CPE: variants seen among roughly 807,000 people sequenced by gnomAD.
CPE encodes carbocypeptidase E.
In CPE, 17 loss-of-function variants were observed where a neutral mutation model predicts 53.5. That is an observed-to-expected ratio of 0.32 (90% CI 0.22 to 0.48). The LOEUF (loss-of-function observed/expected upper bound fraction) is 0.48, where lower values mean the gene tolerates loss of function less well. Ranked by LOEUF, CPE falls within the 20% of genes least tolerant of loss-of-function variation. The probability of loss-of-function intolerance (pLI) is 0.99; values close to 1 mark genes in which losing one functional copy is unlikely to be tolerated. For synonymous variants in CPE, 226 were observed against 228.8 expected, an observed-to-expected ratio of 0.99 and a Z score of 0.11; for missense variants, 524 against 614.7, an observed-to-expected ratio of 0.85 and a Z score of 1.56.
chr4:165,399,791 G>T (rs1046735226), intron 1 of CPE, among the ~76,000 whole-genome samples: 1 of 152,178 alleles, frequency 6.6e-6, no homozygotes, highest in Admixed American at 6.5e-5. Flanking sequence ...GTTTGAGATT[G>T]AAGAATGGAG....
At position 165,495,553 on chromosome 4, in the gene CPE, C is replaced by A; in HGVS notation, c.1214-6C>A. The A allele has an allele frequency of 6.3e-6, 10 of 1,586,814 alleles. No homozygotes were observed. The highest frequency in any genetic ancestry group is 8.6e-6 in the Non-Finnish European group (10 of 1,158,116). On this transcript the variant is annotated splice_polypyrimidine_tract_variant and splice_region_variant and intron_variant, in intron 7 of 8. Transcript: ENST00000402744. ...CTTTGTGATTTGATATTCTGCCTTCCTACAGCAAAGGATGGTGATTACTGG... is the reference window on the plus strand; with the variant it reads ...CTTTGTGATTTGATATTCTGCCTTCATACAGCAAAGGATGGTGATTACTGG...
chr4:165,492,059 A>G (rs907389121), intron 6 of CPE, among the ~76,000 whole-genome samples: 3 of 152,192 alleles, frequency 2.0e-5, no homozygotes, highest in African/African-American at 7.2e-5. Flanking sequence ...TCAAACACAT[A>G]TTGACTTAGA....
chr4:165,478,582 A>G (rs1185208483), intron 3 of CPE, among the ~76,000 whole-genome samples: 4 of 152,228 alleles, frequency 2.6e-5, no homozygotes, highest in Admixed American at 1.3e-4. Flanking sequence ...AAAAATTAAA[A>G]CATGCAAATA....
chr4:165,460,906 CAGA>C (rs1731986901), intron 1 of CPE, among the ~76,000 whole-genome samples: 1 of 152,048 alleles, frequency 6.6e-6, no homozygotes, highest in African/African-American at 2.4e-5. Flanking sequence ...GTCTGGGTGA[CAGA>C]GGAGTTAATC....
chr4:165,483,102 A>C (rs1266068998), intron 4 of CPE, among the ~76,000 whole-genome samples: 2 of 151,948 alleles, frequency 1.3e-5, no homozygotes, highest in African/African-American at 4.8e-5. Flanking sequence ...ACCCATCACC[A>C]AAAGAGTGAA....
chr4:165,404,347 A>G, intron 1 of CPE: 1 of 771,504 alleles, frequency 1.3e-6, no homozygotes, highest in Non-Finnish European at 2.4e-6. Flanking sequence ...GGATGTCTTC[A>G]TCTGAGGAGA....
chr4:165,379,201 C>G lies in CPE; in HGVS notation c.-21C>G, dbSNP rs1730459444. 1 of 1,221,798 alleles carries G rather than the reference C, an allele frequency of 8.2e-7. No homozygotes were observed. Among genetic ancestry groups the G allele is most frequent in the Admixed American group, 4.3e-5 (1 of 23,036 alleles). 75.7% of individuals were successfully genotyped at this position (1,221,798 alleles called of 1,614,324 possible). On this transcript the variant is annotated 5_prime_UTR_variant, in exon 1 of 9. Coordinates refer to ENST00000402744, the MANE Select transcript of CPE (RefSeq NM_001873.4). The surrounding 1 kb of genome is among the most constrained non-coding windows in gnomAD (Gnocchi z 6.0). The stretch of plus-strand genomic sequence containing the variant: ...GGCCGCCCGCGTAGGAAGGCACGGC[C>G]GGCGGCGGCGGAGCGCAGCGATGGC...
chr4:165,405,552 T>C, intron 1 of CPE: 1 of 930,598 alleles, frequency 1.1e-6, no homozygotes, highest in Non-Finnish European at 1.8e-6. Flanking sequence ...GGAATAGTCA[T>C]GGCATACGCT....
intron 1 of CPE, among the ~76,000 whole-genome samples, chr4:165,392,215 T>C (rs1002220495): frequency 1.3e-4 from 19 of 147,148 alleles, no homozygotes; most frequent in Non-Finnish European, 2.7e-4. Flanking sequence ...ATATGTATAC[T>C]AGTATATATA....
At chr4:165,385,192 C>T (rs1183828662) in intron 1 of CPE, among the ~76,000 whole-genome samples, 2 of 152,158 alleles carry the variant, frequency 1.3e-5, no homozygotes, top group African/African-American at 4.8e-5. Flanking sequence ...AAGTTGCTTA[C>T]ATCTGGTTAT....
At chr4:165,427,992 T>G (rs924250533) in intron 1 of CPE, among the ~76,000 whole-genome samples, 6 of 150,306 alleles carry the variant, frequency 4.0e-5, no homozygotes, top group African/African-American at 9.8e-5. Flanking sequence ...TGCATTTTTA[T>G]GCTGTATTTT....
chr4:165,386,365 A>T, intron 1 of CPE: 1 of 437,196 alleles, frequency 2.3e-6, no homozygotes, highest in Non-Finnish European at 4.5e-6. Flanking sequence ...GTCTAGTATT[A>T]TGCTTGGGAC....
chr4:165,495,060 T>A (rs1241106528), intron 7 of CPE, among the ~76,000 whole-genome samples: 1 of 152,170 alleles, frequency 6.6e-6, no homozygotes, highest in African/African-American at 2.4e-5. Flanking sequence ...CTGACTTAGG[T>A]AAATGGGAGA....
chr4:165,429,815 T>A (rs151032058), intron 1 of CPE, among the ~76,000 whole-genome samples: 275 of 152,202 alleles, frequency 1.8e-3, no homozygotes, highest in African/African-American at 6.0e-3. Flanking sequence ...CAAGACTGAT[T>A]ATAAGAAATT....
intron 3 of CPE, among the ~76,000 whole-genome samples, chr4:165,468,389 A>G (rs2126703135): frequency 6.6e-6 from 1 of 152,170 alleles, no homozygotes; most frequent in South Asian, 2.1e-4. Context: ...TGTCTGTTAC[A>G]CAAGGTCTCC....
chr4:165,406,008 G>A, intron 1 of CPE: 1 of 752,360 alleles, frequency 1.3e-6, no homozygotes, highest in Non-Finnish European at 2.5e-6. Context: ...ACTTCTTGAG[G>A]GGTCTTGCAA....
chr4:165,481,816 T>G (rs1732419295), intron 3 of CPE, among the ~76,000 whole-genome samples: 1 of 152,202 alleles, frequency 6.6e-6, no homozygotes, highest in Non-Finnish European at 1.5e-5. Context: ...ACCACATGTT[T>G]GAACCACCAC....
chr4:165,443,862 G>A (rs189238672), intron 1 of CPE, among the ~76,000 whole-genome samples: 2 of 152,230 alleles, frequency 1.3e-5, no homozygotes, highest in East Asian at 1.9e-4. Context: ...TGTACATGAT[G>A]GCTGAATCCT....
At chr4:165,461,183 A>G (rs1197217671) in intron 1 of CPE, among the ~76,000 whole-genome samples, 1 of 98,860 alleles carries the variant, frequency 1.0e-5, no homozygotes, top group Non-Finnish European at 2.1e-5. Context: ...AAAAAAAAAA[A>G]AAAAGAAAGA....
Sources: allele counts gnomAD v4.1 joint callset (sites outside exome capture counted in the v4.1 genomes callset), GRCh38; gene constraint gnomAD v4.1.1; non-coding constraint Gnocchi (gnomAD v3.1); transcripts MANE v1.5; gene names NCBI Gene and HGNC (gene_info 2026-07-23, HGNC 2026-07-21).